Variants in NELL1 observed in about 807,000 individuals in gnomAD.
The protein encoded by NELL1 is protein kinase C-binding protein NELL1.
In NELL1, 76 loss-of-function variants were observed where a neutral mutation model predicts 107.4. The ratio of observed to expected loss-of-function variants is 0.71; its 90% CI spans 0.59 to 0.86. NELL1 has a LOEUF of 0.86. Ranked by LOEUF, NELL1 falls within the 40% of genes least tolerant of loss-of-function variation. The pLI is 0.00. For synonymous variants in NELL1, 353 were observed against 341.2 expected (o/e 1.03, Z -0.38); for missense variants, 1,024 against 1,005.5 (o/e 1.02, Z -0.25).
chr11:21,100,093 T>C (rs1224933218), intron 12 of NELL1, among the ~76,000 whole-genome samples: 1 of 152,002 alleles, frequency 6.6e-6, no homozygotes, highest in Non-Finnish European at 1.5e-5. Context: ...CTTGGCTCAC[T>C]GCAACCTCCA....
intron 14 of NELL1, among the ~76,000 whole-genome samples, chr11:21,293,385 TA>T (rs1849312656): frequency 6.6e-6 from 1 of 152,132 alleles, no homozygotes; most frequent in African/African-American, 2.4e-5. Flanking sequence ...AGTGAGATAC[TA>T]TCTCATGCCA....
intron 12 of NELL1, among the ~76,000 whole-genome samples, chr11:21,087,373 G>A (rs1854419945): frequency 7.2e-6 from 1 of 139,448 alleles, no homozygotes; most frequent in Non-Finnish European, 1.6e-5. Context: ...TTTAATGCTG[G>A]TGTGATCTGA....
At chr11:20,733,313 G>A (rs1365348941) in intron 2 of NELL1, among the ~76,000 whole-genome samples, 2 of 152,198 alleles carry the variant, frequency 1.3e-5, no homozygotes, top group African/African-American at 4.8e-5. Context: ...TCCTAGAAGT[G>A]ACATCTAATT....
At chr11:21,145,516 A>G (rs1012480979) in intron 13 of NELL1, among the ~76,000 whole-genome samples, 1 of 152,244 alleles carries the variant, frequency 6.6e-6, no homozygotes, top group Non-Finnish European at 1.5e-5. Flanking sequence ...CAGATATCAG[A>G]TGTAGAAAGG....
chr11:21,532,308 G>A (rs1468837503), intron 15 of NELL1, among the ~76,000 whole-genome samples: 2 of 152,124 alleles, frequency 1.3e-5, no homozygotes, highest in African/African-American at 4.8e-5. Context: ...GCTGAATCAT[G>A]GAAACTCCTT....
chr11:21,086,305 A>G (rs1854390353), intron 12 of NELL1, among the ~76,000 whole-genome samples: 1 of 152,142 alleles, frequency 6.6e-6, no homozygotes, highest in African/African-American at 2.4e-5. Context: ...CATTGAACCT[A>G]GTGACATTAA....
intron 14 of NELL1, among the ~76,000 whole-genome samples, chr11:21,278,579 A>T (rs1432800962): frequency 6.6e-6 from 1 of 152,174 alleles, no homozygotes; most frequent in Admixed American, 6.5e-5. Flanking sequence ...TTTAAATCTA[A>T]CAAAACATGG....
chr11:20,937,739 T>C (rs1850756360), intron 9 of NELL1, 47 bp from the exon 10 acceptor site: 1 of 1,434,706 alleles, frequency 7.0e-7, no homozygotes, highest in Non-Finnish European at 9.8e-7. Context: ...TGAGGTCATT[T>C]TGTGGCACAG....
intron 14 of NELL1, among the ~76,000 whole-genome samples, chr11:21,342,440 T>C (rs927707723): frequency 1.4e-5 from 2 of 143,920 alleles, no homozygotes; most frequent in Middle Eastern, 3.9e-3. Flanking sequence ...AGGCCAGGAG[T>C]TCGAGACCAG....
At chr11:21,116,375 T>A (rs1214327473) in intron 13 of NELL1, among the ~76,000 whole-genome samples, 1 of 152,004 alleles carries the variant, frequency 6.6e-6, no homozygotes, top group Non-Finnish European at 1.5e-5. Context: ...TAGGTTCTTT[T>A]TAGATGCCTT....
intron 14 of NELL1, among the ~76,000 whole-genome samples, chr11:21,283,393 T>C (rs1178183704): frequency 1.3e-5 from 2 of 152,112 alleles, no homozygotes; most frequent in Admixed American, 6.5e-5. Context: ...ATTTTGGTAG[T>C]GGAAGAGGTT....
At chr11:21,463,668 G>A (rs1483211307) in intron 15 of NELL1, among the ~76,000 whole-genome samples, 1 of 152,176 alleles carries the variant, frequency 6.6e-6, no homozygotes, top group Middle Eastern at 3.4e-3. Context: ...CTCATCTGGT[G>A]TATCTGGTTA....
chr11:20,748,839 T>C (rs1453946487), intron 2 of NELL1, among the ~76,000 whole-genome samples: 1 of 152,040 alleles, frequency 6.6e-6, no homozygotes, highest in African/African-American at 2.4e-5. Context: ...GTTGGTTCCA[T>C]GTCTTTGCAA....
chr11:20,839,255 T>G (rs1848582083), intron 3 of NELL1, among the ~76,000 whole-genome samples: 1 of 152,172 alleles, frequency 6.6e-6, no homozygotes, highest in South Asian at 2.1e-4. Context: ...GAGCCTGAAT[T>G]TTACATTTCA....
intron 4 of NELL1, among the ~76,000 whole-genome samples, chr11:20,866,116 T>C (rs10766732): frequency 0.65 from 98,378 of 152,062 alleles, 33,352 homozygotes; most frequent in Non-Finnish European, 0.76. Flanking sequence ...TGTAATGTAC[T>C]GTGCACAAAG....
chr11:21,140,989 C>A (rs1433204117), intron 13 of NELL1, among the ~76,000 whole-genome samples: 1 of 152,086 alleles, frequency 6.6e-6, no homozygotes, highest in Non-Finnish European at 1.5e-5. Context: ...TTTTTATAGA[C>A]CCTGCAAAGT....
chr11:21,123,861 A>G (rs1565071990), intron 13 of NELL1, among the ~76,000 whole-genome samples: 1 of 152,236 alleles, frequency 6.6e-6, no homozygotes, highest in Non-Finnish European at 1.5e-5. Context: ...GTGGAACATA[A>G]TGCATATTAA....
At chr11:21,403,540 C>A (rs1852149029) in intron 15 of NELL1, among the ~76,000 whole-genome samples, 1 of 146,492 alleles carries the variant, frequency 6.8e-6, no homozygotes, top group Admixed American at 6.8e-5. Context: ...TGGCTGCCTG[C>A]CATCCCAGGC....
chr11:20,941,607 G>T (rs944564119), intron 10 of NELL1, among the ~76,000 whole-genome samples: 58 of 152,156 alleles, frequency 3.8e-4, no homozygotes, highest in African/African-American at 9.7e-4. Context: ...AGCCCTGGAG[G>T]AATGTGGAAC....
Sources: gnomAD v4.1 joint callset for allele counts (sites outside exome capture counted in the v4.1 genomes callset) on GRCh38, gnomAD v4.1.1 for gene constraint, MANE v1.5 for transcripts, NCBI Gene and HGNC (gene_info 2026-07-23, HGNC 2026-07-21) for gene names.